The following RYR3 variants were observed in gnomAD, a reference collection of about 807,000 sequenced individuals.
The protein encoded by RYR3 is ryanodine receptor 3.
RYR3 carries 207 observed loss-of-function variants against 584.3 expected under a neutral mutation model. That is an observed-to-expected ratio of 0.35 (90% CI 0.32 to 0.40). The LOEUF (loss-of-function observed/expected upper bound fraction) is 0.40. Among genes scored for constraint, RYR3 ranks in the 10% least tolerant of loss-of-function variants. The pLI is 1.00. For missense variants in RYR3, 5,616 were observed against 6,089.2 expected (o/e 0.92, Z 2.59); for synonymous variants, 2,416 against 2,248.5 (o/e 1.07, Z -2.11).
Position 33,865,300 on chromosome 15 carries a change from G to A in RYR3, c.*74G>A. 1 of 991,308 alleles carries A rather than the reference G, an allele frequency of 1.0e-6. No individual in the cohort carries two copies. 61.4% of individuals were successfully genotyped at this position (991,308 alleles called of 1,614,324 possible). A position where few individuals can be genotyped will look rare whatever the true frequency, so the allele number is the denominator to read the frequency against. On this transcript the variant is annotated 3_prime_UTR_variant, in exon 104 of 104. Coordinates refer to ENST00000634891, the MANE Select transcript of RYR3 (RefSeq NM_001036.6). ...AATAAAGTCCCCTTTTTACAGTTCT[G>A]CAACATATCTGAAATGTGACATTTT... is the stretch of plus-strand genomic sequence containing the variant.
chr15:33,683,766 G>A (rs2064799599), intron 38 of RYR3, among the ~76,000 whole-genome samples: 1 of 152,230 alleles, frequency 6.6e-6, no homozygotes, highest in Admixed American at 6.5e-5. Flanking sequence ...CTGGAAAAAG[G>A]AGAAACTTCC....
intron 67 of RYR3, among the ~76,000 whole-genome samples, chr15:33,794,234 T>C (rs992112860): frequency 2.5e-5 from 2 of 80,574 alleles, no homozygotes; most frequent in African/African-American, 7.1e-5. Flanking sequence ...TATATATAAA[T>C]ATATATTTAT....
At chr15:33,662,030 G>T (rs897804279) in intron 34 of RYR3, 123 bp from the exon 35 acceptor site, 58 of 715,698 alleles carry the variant, frequency 8.1e-5, no homozygotes, top group Non-Finnish European at 1.2e-4. Context: ...AGCCATAAGA[G>T]AAACTGTGGC....
intron 36 of RYR3, among the ~76,000 whole-genome samples, chr15:33,668,980 T>C (rs28612733): frequency 0.18 from 27,824 of 152,068 alleles, 3,113 homozygotes; most frequent in East Asian, 0.24. Context: ...AGTAAGAAAA[T>C]GTTCAAGTAA....
At chr15:33,631,329 A>G (rs920225772) in intron 23 of RYR3, 36 bp downstream of exon 23, 46 of 1,356,034 alleles carry the variant, frequency 3.4e-5, no homozygotes, top group Non-Finnish European at 4.5e-5. Flanking sequence ...CAAGACTTTA[A>G]TGCTTCAGCC....
chr15:33,857,711 G>A (rs1213950962), intron 98 of RYR3, 69 bp from the exon 99 acceptor site: 2 of 1,578,206 alleles, frequency 1.3e-6, no homozygotes, highest in Non-Finnish European at 1.7e-6. Context: ...TTTTCTTAGA[G>A]TCTCCTGTGA....
At chr15:33,509,546 T>C (rs2052787492) in intron 3 of RYR3, among the ~76,000 whole-genome samples, 1 of 152,222 alleles carries the variant, frequency 6.6e-6, no homozygotes, top group Non-Finnish European at 1.5e-5. Flanking sequence ...TGTTTTAATA[T>C]TACATTTTTA....
At chr15:33,579,852 T>G in intron 12 of RYR3, 124 bp from the exon 13 acceptor site, 2 of 555,862 alleles carry the variant, frequency 3.6e-6, no homozygotes, top group Non-Finnish European at 6.1e-6. Context: ...GCTGGTACAG[T>G]GGCCGCCCAA....
chr15:33,632,313 G>A (rs944529097), intron 23 of RYR3, among the ~76,000 whole-genome samples: 1 of 152,184 alleles, frequency 6.6e-6, no homozygotes, highest in Non-Finnish European at 1.5e-5. Context: ...TCACTCCGCA[G>A]TGTGCCCTAG....
intron 18 of RYR3, among the ~76,000 whole-genome samples, chr15:33,610,320 G>A (rs1370062649): frequency 6.6e-6 from 1 of 152,086 alleles, no homozygotes; most frequent in Non-Finnish European, 1.5e-5. Context: ...CAGATTCCCA[G>A]GCATCTTCCT....
At chr15:33,835,627 C>A (rs758006544) in intron 87 of RYR3, among the ~76,000 whole-genome samples, 1 of 152,138 alleles carries the variant, frequency 6.6e-6, no homozygotes, top group Admixed American at 6.5e-5. Context: ...ATGAGGGAGA[C>A]CTTCAGGAGG....
chr15:33,498,732 T>G (rs1034249310), intron 2 of RYR3, among the ~76,000 whole-genome samples: 3 of 152,194 alleles, frequency 2.0e-5, no homozygotes, highest in African/African-American at 7.2e-5. Context: ...GAGATCTTTC[T>G]TATTCATAAA....
chr15:33,685,739 T>C (rs1021701207), intron 38 of RYR3, among the ~76,000 whole-genome samples: 1 of 152,184 alleles, frequency 6.6e-6, no homozygotes, highest in African/African-American at 2.4e-5. Context: ...CACAACAAAC[T>C]GTCTCTAAGA....
chr15:33,640,919 A>G (rs2061777654), intron 27 of RYR3, among the ~76,000 whole-genome samples: 1 of 152,186 alleles, frequency 6.6e-6, no homozygotes. Context: ...CTATGGGTTC[A>G]TTAAGCTGTG....
At chr15:33,652,998 A>G (rs974514417) in intron 32 of RYR3, 115 bp downstream of exon 32, 1 of 1,056,064 alleles carries the variant, frequency 9.5e-7, no homozygotes, top group Non-Finnish European at 1.3e-6. Flanking sequence ...TGATGAGCCC[A>G]TGTGGGCCAT....
chr15:33,581,373 CT>C, intron 13 of RYR3, 134 bp from the exon 14 acceptor site: 1 of 863,488 alleles, frequency 1.2e-6, no homozygotes, highest in East Asian at 2.5e-5. Context: ...ACAAACCCAA[CT>C]GGCACCATGA....
At position 33,473,067 on chromosome 15, in the gene RYR3, C is replaced by G. The variant is rs141994822; in HGVS notation, c.52-352C>G. On this transcript the variant is annotated intron_variant, in intron 1 of 103. Transcript: ENST00000634891. ...TTCAATCCTATCTTATTGTTTTATTCTATATTTGGAGAGATTGTATAAATT... is the reference window on the plus strand; with the variant it reads ...TTCAATCCTATCTTATTGTTTTATTGTATATTTGGAGAGATTGTATAAATT... Among the ~76,000 whole-genome samples, 915 of 152,226 alleles carry G rather than the reference C, an allele frequency of 6.0e-3. 4 individuals carry two copies. The highest frequency in any genetic ancestry group is 0.021 in the African/African-American group (861 of 41,524).
At chr15:33,706,834 A>G (rs1449719116) in intron 42 of RYR3, 85 bp from the exon 43 acceptor site, 3 of 1,357,424 alleles carry the variant, frequency 2.2e-6, no homozygotes, top group Non-Finnish European at 3.0e-6. Context: ...TACATCCTCA[A>G]CCAACACTTG....
chr15:33,769,178 T>G lies in RYR3; in HGVS notation c.8816+6T>G, dbSNP rs186341831. On this transcript the variant is annotated splice_donor_region_variant and intron_variant, in intron 62 of 103. Transcript: ENST00000634891. ...GCTCAGACACTTGACACAAGGTAAG[T>G]CTGCCCAGTTTTTCCCAATAGTTTC... is the stretch of plus-strand genomic sequence containing the variant. The G allele has an allele frequency of 6.2e-7, 1 of 1,609,640 alleles. No individual in the cohort carries two copies. Among genetic ancestry groups the G allele is most frequent in the African/African-American group, 1.3e-5 (1 of 74,958 alleles).
Sources: gnomAD v4.1 joint callset for allele counts (sites outside exome capture counted in the v4.1 genomes callset) on GRCh38, gnomAD v4.1.1 for gene constraint, MANE v1.5 for transcripts, NCBI Gene and HGNC (gene_info 2026-07-23, HGNC 2026-07-21) for gene names.